KCNC2: variants seen among roughly 807,000 people sequenced by gnomAD.
KCNC2 encodes voltage-gated potassium channel KCNC2.
Under a neutral mutation model 44.5 loss-of-function variants are expected in KCNC2, and 21 were observed. The observed-to-expected ratio is 0.47, with a 90% confidence interval of 0.33 to 0.68. The LOEUF (loss-of-function observed/expected upper bound fraction) is 0.68. Among genes scored for constraint, KCNC2 ranks in the 30% least tolerant of loss-of-function variants. The probability of loss-of-function intolerance (pLI) is 0.01; values close to 1 mark genes in which losing one functional copy is unlikely to be tolerated. For missense variants in KCNC2, 589 were observed against 826.2 expected (o/e 0.71, Z 3.52); for synonymous variants, 391 against 339.1 (o/e 1.15, Z -1.68).
At chr12:75,179,838 C>G (rs1452276778) in intron 2 of KCNC2, among the ~76,000 whole-genome samples, 1 of 151,098 alleles carries the variant, frequency 6.6e-6, no homozygotes, top group East Asian at 1.9e-4. Context: ...ATTGATTTTT[C>G]TAATGATATT....
Position 75,207,212 on chromosome 12 carries a change from G to T in KCNC2, c.687+85C>A, listed in dbSNP as rs2031756851. 3 of 1,485,440 alleles carry T rather than the reference G, an allele frequency of 2.0e-6. No individual in the cohort carries two copies. The highest frequency in any genetic ancestry group is 1.8e-6 in the Non-Finnish European group (2 of 1,118,832). The allele number at this position is 1,485,440 out of a possible 1,614,324, so 92.0% of individuals were successfully genotyped here. On this transcript the variant is annotated intron_variant, in intron 2 of 4. Coordinates refer to ENST00000549446, the MANE Select transcript of KCNC2 (RefSeq NM_139137.4). This position sits in a 1 kb window ranked among gnomAD's most constrained non-coding sequence, Gnocchi z 4.1. ...GGTCTCTTCTACCCCCCATGCCTGAGGCCCTGGGGTGGAAAAGAACAGAAA... is the reference window on the plus strand; with the variant it reads ...GGTCTCTTCTACCCCCCATGCCTGATGCCCTGGGGTGGAAAAGAACAGAAA...
intron 3 of KCNC2, among the ~76,000 whole-genome samples, chr12:75,049,036 A>G (rs1207804866): frequency 6.6e-6 from 1 of 152,166 alleles, no homozygotes; most frequent in Non-Finnish European, 1.5e-5. Flanking sequence ...AAGGCTCTGC[A>G]TAGATACTTG....
intron 4 of KCNC2, among the ~76,000 whole-genome samples, chr12:75,045,856 G>A (rs1880443958): frequency 6.6e-6 from 1 of 151,482 alleles, no homozygotes; most frequent in Non-Finnish European, 1.5e-5. Flanking sequence ...TAATTCAGTG[G>A]GAATCCAGTA....
intron 2 of KCNC2, among the ~76,000 whole-genome samples, chr12:75,195,427 C>T (rs891839486): frequency 1.3e-5 from 2 of 152,084 alleles, no homozygotes; most frequent in Non-Finnish European, 2.9e-5. Context: ...ACTAACTACT[C>T]ATGAGCCAGA....
At chr12:75,057,325 G>GA (rs1881856484) in intron 2 of KCNC2, among the ~76,000 whole-genome samples, 1 of 151,850 alleles carries the variant, frequency 6.6e-6, no homozygotes, top group Admixed American at 6.6e-5. Context: ...GGTCTCTATA[G>GA]AGAGAAAAAA....
At chr12:75,155,589 T>C (rs1179969466) in intron 2 of KCNC2, among the ~76,000 whole-genome samples, 1 of 151,770 alleles carries the variant, frequency 6.6e-6, no homozygotes, top group Non-Finnish European at 1.5e-5. Context: ...TTAGTAAAAA[T>C]TAATATCTAA....
Position 75,102,868 on chromosome 12 carries a change from A to G in KCNC2, c.688-51551T>C, listed in dbSNP as rs1055078154. Among the ~76,000 whole-genome samples the G allele has an allele frequency of 6.6e-5, 10 of 152,204 alleles. 1 individual carries two copies. Among genetic ancestry groups the G allele is most frequent in the Admixed American group, 5.9e-4 (9 of 15,248 alleles). ...TTTTAACAGGGAAACCATGCCTTCA[A>G]TCTTACAATAAGATAATTTGTTTTA... On this transcript the variant is annotated intron_variant, in intron 2 of 4. Coordinates refer to ENST00000549446, the MANE Select transcript of KCNC2 (RefSeq NM_139137.4).
chr12:75,138,850 G>A (rs376733043), intron 2 of KCNC2, among the ~76,000 whole-genome samples: 3 of 151,708 alleles, frequency 2.0e-5, no homozygotes, highest in Non-Finnish European at 4.4e-5. Context: ...GCGTGGTGGC[G>A]GACGCCTGTA....
intron 2 of KCNC2, among the ~76,000 whole-genome samples, chr12:75,179,709 T>A (rs1892437188): frequency 6.7e-6 from 1 of 149,904 alleles, no homozygotes; most frequent in African/African-American, 2.5e-5. Flanking sequence ...TACTTGTATA[T>A]CTTTTATAAA....
At chr12:75,148,996 T>C (rs563105355) in intron 2 of KCNC2, among the ~76,000 whole-genome samples, 24 of 140,816 alleles carry the variant, frequency 1.7e-4, no homozygotes, top group Admixed American at 1.4e-3. Flanking sequence ...TGGTGACTGA[T>C]ATACAAAAAA....
At chr12:75,186,092 T>TAAATAAAA (rs1892927272) in intron 2 of KCNC2, among the ~76,000 whole-genome samples, 1 of 143,372 alleles carries the variant, frequency 7.0e-6, no homozygotes, top group Non-Finnish European at 1.6e-5. Context: ...AATAAATAAA[T>TAAATAAAA]AAAAATTTTA....
intron 2 of KCNC2, among the ~76,000 whole-genome samples, chr12:75,191,986 A>T (rs1223928569): frequency 6.6e-6 from 1 of 152,196 alleles, no homozygotes; most frequent in Non-Finnish European, 1.5e-5. Context: ...GCTATAATGT[A>T]CCTATGCTTC....
chr12:75,047,184 A>G (rs1880623587), intron 4 of KCNC2, among the ~76,000 whole-genome samples: 1 of 152,032 alleles, frequency 6.6e-6, no homozygotes, highest in Non-Finnish European at 1.5e-5. Context: ...GCAATAAAGC[A>G]ACTGGAATTG....
intron 2 of KCNC2, among the ~76,000 whole-genome samples, chr12:75,135,878 A>G (rs183520906): frequency 9.6e-4 from 146 of 152,128 alleles, no homozygotes; most frequent in Non-Finnish European, 1.3e-3. Flanking sequence ...GAGCATGGCC[A>G]TATTCTAATT....
At chr12:75,063,649 T>G (rs1374469375) in intron 2 of KCNC2, among the ~76,000 whole-genome samples, 2 of 152,212 alleles carry the variant, frequency 1.3e-5, no homozygotes, top group Non-Finnish European at 2.9e-5. Context: ...GTTGTCATTT[T>G]GGGAACTAAA....
intron 2 of KCNC2, among the ~76,000 whole-genome samples, chr12:75,170,918 A>C (rs1008262899): frequency 6.6e-6 from 1 of 151,698 alleles, no homozygotes; most frequent in Non-Finnish European, 1.5e-5. Flanking sequence ...TACTCTTCCA[A>C]GCTTATTCAG....
At chr12:75,136,843 T>G (rs528267139) in intron 2 of KCNC2, among the ~76,000 whole-genome samples, 2 of 152,242 alleles carry the variant, frequency 1.3e-5, no homozygotes, top group East Asian at 3.9e-4. Context: ...AGTATCACCC[T>G]GATACCAAAG....
intron 2 of KCNC2, among the ~76,000 whole-genome samples, chr12:75,196,846 A>G (rs985236932): frequency 6.6e-6 from 1 of 152,116 alleles, no homozygotes; most frequent in Non-Finnish European, 1.5e-5. Context: ...AAATTCTTCC[A>G]TCCATGAAAG....
At chr12:75,063,489 C>G (rs999350176) in intron 2 of KCNC2, among the ~76,000 whole-genome samples, 2 of 151,956 alleles carry the variant, frequency 1.3e-5, no homozygotes, top group African/African-American at 4.8e-5. Context: ...CTTATCTCAC[C>G]CCGGAAAAGC....
Sources: allele counts gnomAD v4.1 joint callset (sites outside exome capture counted in the v4.1 genomes callset), GRCh38; gene constraint gnomAD v4.1.1; non-coding constraint Gnocchi (gnomAD v3.1); transcripts MANE v1.5; gene names NCBI Gene and HGNC (gene_info 2026-07-23, HGNC 2026-07-21).